Variants in ARHGAP29 observed in about 807,000 individuals in gnomAD.
The protein encoded by ARHGAP29 is rho GTPase-activating protein 29.
ARHGAP29 carries 43 observed loss-of-function variants against 122.6 expected under a neutral mutation model. The observed-to-expected ratio is 0.35, with a 90% CI of 0.27 to 0.45. The LOEUF (loss-of-function observed/expected upper bound fraction) is 0.45. ARHGAP29 is among the 20% of genes least tolerant of loss of function. The pLI, the probability that ARHGAP29 is intolerant of heterozygous loss-of-function variation, is 1.00. For missense variants in ARHGAP29, 1,303 were observed against 1,477.2 expected, an observed-to-expected ratio of 0.88 and a Z score of 1.93; for synonymous variants, 506 against 497.1, an observed-to-expected ratio of 1.02 and a Z score of -0.24.
At position 94,177,954 on chromosome 1, in the gene ARHGAP29, G is replaced by A. The variant is rs1308925799; in HGVS notation, c.2694C>T (p.Ser898=). The A allele has an allele frequency of 6.2e-7, 1 of 1,613,974 alleles. No individual in the cohort carries two copies. The highest frequency in any genetic ancestry group is 1.3e-5 in the African/African-American group (1 of 74,930). Residue 898 remains serine, a synonymous_variant, in exon 21 of 23, where the codon AGC becomes AGT. Transcript: ENST00000260526. The part of the protein sequence containing the change: ...GSLQPQDVMC[S]IGVVDQGCFP... ...AACAGCCTTGATCAACAACACCTAT[G>A]CTACACATAACATCTTGTGGTTGTA...
At chr1:94,236,184 A>T (rs1212256390) in intron 1 of ARHGAP29, among the ~76,000 whole-genome samples, 1 of 152,248 alleles carries the variant, frequency 6.6e-6, no homozygotes, top group Non-Finnish European at 1.5e-5. Context: ...TGTGAGAAAG[A>T]GTTTTATCAA....
At chr1:94,241,115 A>G (rs1653555018), upstream of ARHGAP29, among the ~76,000 whole-genome samples, 1 of 152,216 alleles carries the variant, frequency 6.6e-6, no homozygotes, top group Non-Finnish European at 1.5e-5. Flanking sequence ...CAAAAGGTCA[A>G]TAGTGTCAAG....
At chr1:94,248,994 A>C (rs1653969137) in intron 1 of ARHGAP29, among the ~76,000 whole-genome samples, 1 of 152,224 alleles carries the variant, frequency 6.6e-6, no homozygotes, top group African/African-American at 2.4e-5. Flanking sequence ...GATTAGAGGC[A>C]TGAGCTACCA....
the ARHGAP29 span, among the ~76,000 whole-genome samples, chr1:94,284,261 A>C: frequency 6.6e-6 from 1 of 152,214 alleles, no homozygotes; most frequent in Non-Finnish European, 1.5e-5. Context: ...TTAAACTTTT[A>C]AATAGAATTT....
At chr1:94,259,505 G>A (rs1654478990) in intron 1 of ARHGAP29, among the ~76,000 whole-genome samples, 1 of 152,188 alleles carries the variant, frequency 6.6e-6, no homozygotes, top group African/African-American at 2.4e-5. Flanking sequence ...TAGTGGATTA[G>A]GGTGGGACTT....
At chr1:94,291,282 T>G in the ARHGAP29 span, among the ~76,000 whole-genome samples, 1 of 152,154 alleles carries the variant, frequency 6.6e-6, no homozygotes, top group Non-Finnish European at 1.5e-5. Flanking sequence ...TGTTTGTTTG[T>G]TTTTTGCTTT....
At chr1:94,214,358 T>A (rs1286365795) in intron 3 of ARHGAP29, among the ~76,000 whole-genome samples, 2 of 152,184 alleles carry the variant, frequency 1.3e-5, no homozygotes, top group Non-Finnish European at 2.9e-5. Flanking sequence ...ATATACACTA[T>A]CCCTACAGAA....
the ARHGAP29 span, among the ~76,000 whole-genome samples, chr1:94,296,766 C>A: frequency 1.3e-5 from 2 of 152,084 alleles, no homozygotes; most frequent in African/African-American, 4.8e-5. Flanking sequence ...AGCCATCCAG[C>A]CTAGTGAGAT....
At chr1:94,189,422 T>C (rs1449715579) in intron 13 of ARHGAP29, 70 bp from the exon 14 acceptor site, 2 of 1,442,078 alleles carry the variant, frequency 1.4e-6, no homozygotes, top group East Asian at 2.4e-5. Context: ...GATTTCATTC[T>C]ATGTTTAGAA....
In ARHGAP29 at chr1:94,174,740, T is replaced by A. The variant is rs1648984430; in HGVS notation, c.2915A>T (p.Gln972Leu). The A allele has an allele frequency of 2.5e-6, 4 of 1,611,934 alleles. No individual in the cohort carries two copies. The highest frequency in any genetic ancestry group is 3.4e-6 in the Non-Finnish European group (4 of 1,179,258). Residue 972 changes from glutamine (Q) to leucine (L), a missense_variant, in exon 23 of 23, where the codon CAG becomes CTG. Gln to Leu is a moderately radical substitution (Grantham distance 113). This residue lies in a region of ARHGAP29 where 620 missense variants were observed against 651.2 expected (regional missense o/e 0.95). Transcript: ENST00000260526. ...KCDACLSDKA[Q>L]LLLDQEAESA... is the part of the protein sequence containing the mutation. ...TTCAGCCTCTTGGTCTAGAAGCAAC[T>A]GTGCTTTGTCTGAAAATGAAAGAAA...
chr1:94,239,618 G>A (rs566077830), upstream of ARHGAP29, among the ~76,000 whole-genome samples: 1 of 152,084 alleles, frequency 6.6e-6, no homozygotes, highest in Non-Finnish European at 1.5e-5. Flanking sequence ...GAGATAAGGG[G>A]AAGCAGAGAA....
chr1:94,259,002 G>GA (rs1654463829), intron 1 of ARHGAP29, among the ~76,000 whole-genome samples: 1 of 152,070 alleles, frequency 6.6e-6, no homozygotes, highest in African/African-American at 2.4e-5. Flanking sequence ...TGTCACCATG[G>GA]AAAATCATAA....
intron 5 of ARHGAP29, 39 bp from the exon 6 acceptor site, chr1:94,205,722 G>C: frequency 6.3e-7 from 1 of 1,581,364 alleles, no homozygotes; most frequent in South Asian, 1.1e-5. Context: ...AATTAGAGAA[G>C]AACACAAATC....
upstream of ARHGAP29, among the ~76,000 whole-genome samples, chr1:94,278,344 T>G (rs1371069250): frequency 6.6e-6 from 1 of 152,136 alleles, no homozygotes; most frequent in Admixed American, 6.5e-5. Context: ...ATTATTAAAT[T>G]TTAATTTTAA....
chr1:94,237,763 C>T, upstream of ARHGAP29: 2 of 985,460 alleles, frequency 2.0e-6, no homozygotes, highest in Non-Finnish European at 2.4e-6. Flanking sequence ...CGGCCGGACG[C>T]TGTCCCAGCA....
At chr1:94,301,051 T>C in the ARHGAP29 span, among the ~76,000 whole-genome samples, 2 of 152,220 alleles carry the variant, frequency 1.3e-5, no homozygotes, top group Admixed American at 1.3e-4. Flanking sequence ...TCTGGACTCC[T>C]GGGAGTACCA....
intron 3 of ARHGAP29, among the ~76,000 whole-genome samples, chr1:94,212,879 A>G (rs571296902): frequency 6.6e-6 from 1 of 152,194 alleles, no homozygotes; most frequent in East Asian, 1.9e-4. Context: ...ACTCTTTCCT[A>G]CATTCTCCAA....
chr1:94,279,714 T>G (rs1288015741), upstream of ARHGAP29, among the ~76,000 whole-genome samples: 1 of 152,190 alleles, frequency 6.6e-6, no homozygotes, highest in Non-Finnish European at 1.5e-5. Context: ...AATTTCTGTG[T>G]TTATCCTTGG....
chr1:94,266,431 C>G (rs973275363), intron 1 of ARHGAP29, among the ~76,000 whole-genome samples: 2 of 152,204 alleles, frequency 1.3e-5, no homozygotes, highest in African/African-American at 4.8e-5. Flanking sequence ...GAATGGAGTT[C>G]TGAGTCTCTC....
Sources: allele counts gnomAD v4.1 joint callset (sites outside exome capture counted in the v4.1 genomes callset), GRCh38; gene constraint gnomAD v4.1.1; regional missense constraint gnomAD v4.1.1; transcripts MANE v1.5; gene names NCBI Gene and HGNC (gene_info 2026-07-23, HGNC 2026-07-21).